Variants in GABRG2 observed in about 807,000 individuals in gnomAD.
GABRG2 encodes gamma-aminobutyric acid receptor subunit gamma-2.
In GABRG2, 16 loss-of-function variants were observed where a neutral mutation model predicts 56.4. The ratio of observed to expected loss-of-function variants is 0.28; its 90% CI spans 0.19 to 0.43. GABRG2 has a LOEUF of 0.43. Ranked by LOEUF, GABRG2 falls within the 20% of genes least tolerant of loss-of-function variation. GABRG2 has a pLI of 1.00. For synonymous variants in GABRG2, 208 were observed against 205.5 expected, an observed-to-expected ratio of 1.01 and a Z score of -0.10; for missense variants, 327 against 582.7, an observed-to-expected ratio of 0.56 and a Z score of 4.52.
intron 1 of GABRG2, among the ~76,000 whole-genome samples, chr5:162,071,639 G>A (rs189070293): frequency 1.6e-3 from 237 of 151,876 alleles, no homozygotes; most frequent in Non-Finnish European, 9.6e-4. Flanking sequence ...TCTTTAACTG[G>A]CTAGGACTAT....
intron 7 of GABRG2, among the ~76,000 whole-genome samples, chr5:162,143,868 TAA>T (rs1764764240): frequency 6.6e-6 from 1 of 152,204 alleles, no homozygotes; most frequent in Admixed American, 6.5e-5. Flanking sequence ...TGGTCTGTAC[TAA>T]GTTATTAAGC....
intron 1 of GABRG2, among the ~76,000 whole-genome samples, chr5:162,086,149 A>G (rs1204705712): frequency 6.6e-6 from 1 of 152,022 alleles, no homozygotes; most frequent in Non-Finnish European, 1.5e-5. Flanking sequence ...AGCAATGGCA[A>G]CCATACAATA....
chr5:162,098,086 C>T (rs571600939), intron 4 of GABRG2: 1 of 555,174 alleles, frequency 1.8e-6, no homozygotes, highest in East Asian at 3.1e-5. Context: ...TTTTCCACAA[C>T]TGCTGTGAAA....
chr5:162,137,358 A>G (rs1764212365), intron 6 of GABRG2, among the ~76,000 whole-genome samples: 1 of 152,194 alleles, frequency 6.6e-6, no homozygotes. Flanking sequence ...GTGTATCCCC[A>G]CCAACAGTGT....
At chr5:162,074,138 C>T (rs1758895455) in intron 1 of GABRG2, among the ~76,000 whole-genome samples, 1 of 151,914 alleles carries the variant, frequency 6.6e-6, no homozygotes. Context: ...AAATAAAAAG[C>T]TCCTTTCAAG....
At chr5:162,103,646 C>T (rs1256539336) in intron 5 of GABRG2, 3 of 533,888 alleles carry the variant, frequency 5.6e-6, no homozygotes, top group Admixed American at 3.1e-5. Flanking sequence ...AGTATACCTT[C>T]TATGTCATTT....
chr5:162,070,461 A>T (rs1393646359), intron 1 of GABRG2, among the ~76,000 whole-genome samples: 1 of 152,086 alleles, frequency 6.6e-6, no homozygotes, highest in Non-Finnish European at 1.5e-5. Flanking sequence ...TGAGGAGTCC[A>T]TAGGAAGTGG....
At chr5:162,087,956 G>C (rs1446052343) in intron 1 of GABRG2, among the ~76,000 whole-genome samples, 1 of 152,122 alleles carries the variant, frequency 6.6e-6, no homozygotes, top group Non-Finnish European at 1.5e-5. Flanking sequence ...AGGTGAGAAA[G>C]TAATTTTAAG....
intron 1 of GABRG2, among the ~76,000 whole-genome samples, chr5:162,090,467 C>G (rs1387032283): frequency 6.6e-6 from 1 of 151,970 alleles, no homozygotes; most frequent in Admixed American, 6.6e-5. Context: ...AATTCTGATT[C>G]CGGGGTCTGG....
At chr5:162,142,503 T>C in intron 7 of GABRG2, 187 bp downstream of exon 7, 5 of 594,842 alleles carry the variant, frequency 8.4e-6, no homozygotes, top group African/African-American at 7.4e-5. Context: ...CCAACCCAAA[T>C]GTCCATCAAT....
intron 1 of GABRG2, among the ~76,000 whole-genome samples, chr5:162,072,082 A>G (rs1400783681): frequency 6.6e-6 from 1 of 151,978 alleles, no homozygotes; most frequent in Admixed American, 6.6e-5. Context: ...TTCACGTCCT[A>G]GATTCATTTA....
chr5:162,102,835 T>G (rs2113363941), intron 5 of GABRG2: 1 of 230,330 alleles, frequency 4.3e-6, no homozygotes, highest in East Asian at 1.0e-4. Context: ...TCTCTTTTTT[T>G]TCCTCCCTCT....
chr5:162,102,634 G>C, intron 5 of GABRG2: 1 of 453,232 alleles, frequency 2.2e-6, no homozygotes, highest in Non-Finnish European at 4.4e-6. Context: ...GGGCTCAACT[G>C]ATCCTCCCAC....
In GABRG2 at chr5:162,153,144, G is replaced by T. The variant is rs143945240; in HGVS notation, c.1204G>T (p.Ala402Ser). ...PRSATIQMNN[A>S]THLQERDEEY... ...ATCAGCAACCATTCAAATGAATAAT[G>T]CTACACACCTTCAAGAGAGAGATGA... The change falls in exon 10 of 10, where the codon GCT becomes TCT. Residue 402 changes from alanine (A) to serine (S), a missense_variant. Coordinates refer to ENST00000639213, the MANE Select transcript of GABRG2 (RefSeq NM_198904.4). The T allele has an allele frequency of 3.1e-6, 5 of 1,614,006 alleles. No individual in the cohort carries two copies. In the African/African-American group the frequency reaches 6.7e-5, roughly 22 times the overall value.
At chr5:162,077,370 T>A (rs1176763939) in intron 1 of GABRG2, among the ~76,000 whole-genome samples, 1 of 152,196 alleles carries the variant, frequency 6.6e-6, no homozygotes. Flanking sequence ...ATGAATTCCA[T>A]GGTATGAATT....
chr5:162,108,956 C>T (rs10058192), intron 6 of GABRG2, among the ~76,000 whole-genome samples: 4,472 of 152,176 alleles, frequency 0.029, 242 homozygotes, highest in African/African-American at 0.1. Context: ...CCACAATAAA[C>T]ATACATGTGC....
At chr5:162,142,463 T>A (rs1764644755) in intron 7 of GABRG2, 147 bp downstream of exon 7, 1 of 854,500 alleles carries the variant, frequency 1.2e-6, no homozygotes, top group Non-Finnish European at 1.9e-6. Context: ...AGAACTGGCA[T>A]TTTTAATTCA....
At chr5:162,134,785 C>A (rs571497563) in intron 6 of GABRG2, among the ~76,000 whole-genome samples, 2 of 152,188 alleles carry the variant, frequency 1.3e-5, no homozygotes, top group South Asian at 4.1e-4. Context: ...AAAGCCATCT[C>A]AGCTAAGAGA....
At chr5:162,110,728 T>A in intron 6 of GABRG2, among the ~76,000 whole-genome samples, 1 of 152,130 alleles carries the variant, frequency 6.6e-6, no homozygotes, top group East Asian at 1.9e-4. Context: ...TCCTACAGTC[T>A]CTTGTTACTC....
Sources: allele counts gnomAD v4.1 joint callset (sites outside exome capture counted in the v4.1 genomes callset), GRCh38; gene constraint gnomAD v4.1.1; transcripts MANE v1.5; gene names NCBI Gene and HGNC (gene_info 2026-07-23, HGNC 2026-07-21).